Variants in SNTG1 observed in about 807,000 individuals in gnomAD.
SNTG1 encodes gamma-1-syntrophin.
A neutral mutation model predicts 74.7 loss-of-function variants in SNTG1; 39 were observed. The ratio of observed to expected loss-of-function variants is 0.52; its 90% confidence interval spans 0.40 to 0.68. The LOEUF (loss-of-function observed/expected upper bound fraction) is 0.68. SNTG1 is among the 30% of genes least tolerant of loss of function. SNTG1 has a pLI of 0.00. For missense variants in SNTG1, 685 were observed against 609.5 expected, an observed-to-expected ratio of 1.12 and a Z score of -1.30; for synonymous variants, 254 against 217.1, an observed-to-expected ratio of 1.17 and a Z score of -1.49.
chr8:49,935,369 A>G (rs1476072373), intron 1 of SNTG1, among the ~76,000 whole-genome samples: 1 of 143,310 alleles, frequency 7.0e-6, no homozygotes, highest in Non-Finnish European at 1.5e-5. Context: ...TCACTCACAA[A>G]GGGCCCCCAA....
chr8:50,777,844 C>T (rs1308311725), intron 18 of SNTG1, among the ~76,000 whole-genome samples: 4 of 151,948 alleles, frequency 2.6e-5, no homozygotes, highest in Non-Finnish European at 5.9e-5. Flanking sequence ...TAAAGCTATC[C>T]CTCCCCTGTC....
At chr8:49,984,587 A>G (rs1014604384) in intron 1 of SNTG1, among the ~76,000 whole-genome samples, 5 of 152,210 alleles carry the variant, frequency 3.3e-5, no homozygotes, top group African/African-American at 1.2e-4. Context: ...TTACACCTAA[A>G]TGTATAACTT....
At chr8:50,134,096 T>C (rs2081396609) in intron 1 of SNTG1, among the ~76,000 whole-genome samples, 1 of 152,174 alleles carries the variant, frequency 6.6e-6, no homozygotes. Flanking sequence ...CAGTACATAA[T>C]ATGCCATTCA....
intron 2 of SNTG1, among the ~76,000 whole-genome samples, chr8:50,310,074 C>T (rs547869931): frequency 1.4e-4 from 22 of 152,288 alleles, no homozygotes; most frequent in African/African-American, 5.1e-4. Context: ...GCATATGCAT[C>T]TATCTAGAAG....
intron 2 of SNTG1, among the ~76,000 whole-genome samples, chr8:50,213,739 G>T (rs1163269695): frequency 1.3e-5 from 2 of 151,954 alleles, no homozygotes; most frequent in East Asian, 1.9e-4. Flanking sequence ...TTTGAGAAGT[G>T]TCTGTTCATG....
chr8:50,710,475 C>G (rs2095458519), intron 17 of SNTG1, among the ~76,000 whole-genome samples: 1 of 151,978 alleles, frequency 6.6e-6, no homozygotes, highest in Non-Finnish European at 1.5e-5. Context: ...ATTTCACTAA[C>G]TAGAAAAGTC....
At chr8:50,215,728 T>C (rs1258167442) in intron 2 of SNTG1, among the ~76,000 whole-genome samples, 1 of 152,056 alleles carries the variant, frequency 6.6e-6, no homozygotes, top group African/African-American at 2.4e-5. Context: ...CAGAGACATA[T>C]CTTCTGAGAC....
intron 15 of SNTG1, among the ~76,000 whole-genome samples, chr8:50,689,186 T>C (rs1036610038): frequency 6.6e-6 from 1 of 152,096 alleles, no homozygotes; most frequent in Non-Finnish European, 1.5e-5. Flanking sequence ...TACAATCCTG[T>C]AGTCTGCAAA....
intron 9 of SNTG1, among the ~76,000 whole-genome samples, chr8:50,507,604 G>T (rs1213328838): frequency 3.3e-5 from 5 of 152,006 alleles, no homozygotes; most frequent in African/African-American, 9.7e-5. Flanking sequence ...TATTCAGTTT[G>T]TTGGCACATA....
chr8:50,258,472 G>T (rs542321522), intron 2 of SNTG1, among the ~76,000 whole-genome samples: 2 of 152,254 alleles, frequency 1.3e-5, no homozygotes, highest in East Asian at 3.9e-4. Flanking sequence ...AGGGGTCATA[G>T]ATGTAGACTT....
At chr8:49,935,328 G>A (rs1278041416) in intron 1 of SNTG1, among the ~76,000 whole-genome samples, 1 of 149,518 alleles carries the variant, frequency 6.7e-6, no homozygotes, top group African/African-American at 2.5e-5. Flanking sequence ...TGAGGACTTT[G>A]ATGCATGTCT....
chr8:49,971,804 A>G (rs972404372), intron 1 of SNTG1, among the ~76,000 whole-genome samples: 13 of 152,222 alleles, frequency 8.5e-5, no homozygotes, highest in Non-Finnish European at 1.5e-5. Flanking sequence ...AATCCAGCTT[A>G]CAAGGGAAGT....
intron 1 of SNTG1, among the ~76,000 whole-genome samples, chr8:50,096,295 A>T (rs2079925680): frequency 6.6e-6 from 1 of 152,188 alleles, no homozygotes; most frequent in Non-Finnish European, 1.5e-5. Context: ...AGAGTTCAGC[A>T]CTTTTTAAAT....
At position 50,354,302 on chromosome 8, in the gene SNTG1, C is replaced by G. The variant is rs1193591154; in HGVS notation, c.-27-39910C>G. Among the ~76,000 whole-genome samples, 3 of 152,136 alleles carry G rather than the reference C, an allele frequency of 2.0e-5. No individual in the cohort carries two copies. The East Asian group carries it at 5.8e-4, about 29-fold the overall frequency. On this transcript the variant is annotated intron_variant, in intron 2 of 18. Transcript: ENST00000642720. ...ATTAAAAGGTGCTATTGACTCTGTG[C>G]AAACTAAAGCATGGTCAATCTTTCT...
At chr8:50,611,242 T>C (rs1471113911) in intron 13 of SNTG1, among the ~76,000 whole-genome samples, 3 of 152,170 alleles carry the variant, frequency 2.0e-5, no homozygotes, top group Non-Finnish European at 4.4e-5. Flanking sequence ...TTAGAAAATA[T>C]ACAGCATCAT....
chr8:50,574,198 A>C (rs2094564440), intron 12 of SNTG1, among the ~76,000 whole-genome samples: 1 of 152,112 alleles, frequency 6.6e-6, no homozygotes, highest in Non-Finnish European at 1.5e-5. Context: ...AGGCATAAAT[A>C]GGTTAAAATA....
At chr8:50,046,573 G>T (rs765190188) in intron 1 of SNTG1, among the ~76,000 whole-genome samples, 1 of 151,952 alleles carries the variant, frequency 6.6e-6, no homozygotes, top group Non-Finnish European at 1.5e-5. Context: ...CCATTCTAGC[G>T]TGAATTTATA....
chr8:50,745,453 T>C (rs1585694359), intron 17 of SNTG1, among the ~76,000 whole-genome samples: 1 of 152,130 alleles, frequency 6.6e-6, no homozygotes, highest in East Asian at 1.9e-4. Flanking sequence ...TCTTTCACAT[T>C]GCTGGTATAA....
At chr8:50,152,265 T>A (rs1053776992) in intron 1 of SNTG1, among the ~76,000 whole-genome samples, 5 of 152,206 alleles carry the variant, frequency 3.3e-5, no homozygotes, top group Admixed American at 3.3e-4. Flanking sequence ...GCTTGGTAGA[T>A]CTTCCTCCAT....
Sources: allele counts gnomAD v4.1 joint callset (sites outside exome capture counted in the v4.1 genomes callset), GRCh38; gene constraint gnomAD v4.1.1; transcripts MANE v1.5; gene names NCBI Gene and HGNC (gene_info 2026-07-23, HGNC 2026-07-21).